The following PPFIA2 variants were observed in gnomAD, a reference collection of about 807,000 sequenced individuals.
PPFIA2 encodes PPFI scaffold protein A2.
Under a neutral mutation model 175.5 loss-of-function variants are expected in PPFIA2, and 46 were observed. The observed-to-expected ratio is 0.26, with a 90% CI of 0.21 to 0.34. PPFIA2 has a LOEUF of 0.34. PPFIA2 is among the 10% of genes least tolerant of loss of function. The pLI is 1.00. For missense variants in PPFIA2, 1,179 were observed against 1,506.1 expected (o/e 0.78, Z 3.60); for synonymous variants, 568 against 511.4 (o/e 1.11, Z -1.49).
chr12:81,603,956 A>C (rs1343990353), intron 4 of PPFIA2, among the ~76,000 whole-genome samples: 1 of 151,606 alleles, frequency 6.6e-6, no homozygotes, highest in African/African-American at 2.4e-5. Context: ...CAAATGCCTT[A>C]AATTTGCCTG....
chr12:81,309,560 CTAT>C (rs915833902), intron 22 of PPFIA2, among the ~76,000 whole-genome samples: 4 of 151,950 alleles, frequency 2.6e-5, no homozygotes, highest in Non-Finnish European at 5.9e-5. Flanking sequence ...CCTGTGTATC[CTAT>C]TATTGCATAT....
At chr12:81,597,962 T>G (rs2059420936) in intron 4 of PPFIA2, 1 of 1,534,950 alleles carries the variant, frequency 6.5e-7, no homozygotes, top group Non-Finnish European at 8.7e-7. Context: ...TTGAAAAGTG[T>G]AAAACCGGGT....
At chr12:81,524,580 C>G (rs184262476) in intron 4 of PPFIA2, among the ~76,000 whole-genome samples, 10 of 152,288 alleles carry the variant, frequency 6.6e-5, no homozygotes, top group African/African-American at 2.4e-4. Flanking sequence ...TGGTTCACAA[C>G]TGGACAAAAA....
chr12:81,740,631 TTC>T (rs1411293636), intron 3 of PPFIA2, among the ~76,000 whole-genome samples: 3 of 152,186 alleles, frequency 2.0e-5, no homozygotes, highest in Non-Finnish European at 4.4e-5. Flanking sequence ...ATTTCAGTGT[TTC>T]TGTTACTGCA....
At chr12:81,504,744 C>A (rs895015805) in intron 4 of PPFIA2, among the ~76,000 whole-genome samples, 4 of 152,120 alleles carry the variant, frequency 2.6e-5, no homozygotes, top group African/African-American at 9.7e-5. Context: ...GGAACCAACC[C>A]AAATGCCCAT....
intron 18 of PPFIA2, among the ~76,000 whole-genome samples, chr12:81,346,371 C>T (rs937514102): frequency 6.6e-6 from 1 of 151,746 alleles, no homozygotes; most frequent in African/African-American, 2.4e-5. Context: ...TGAGATAATG[C>T]CCTACTACCT....
rs150964925 is a variant in PPFIA2 at position 81,403,966 on chromosome 12, T to C, written c.762+1821A>G. ...GCTGTACTTTATCTCCTCTTGTTCC[T>C]GCTCTAAAACTTTCCTGCCCTGAAA... is the stretch of plus-strand genomic sequence containing the variant. On this transcript the variant is annotated intron_variant, in intron 8 of 32. Transcript: ENST00000549396. 2.4e-3 allele frequency among the ~76,000 whole-genome samples: 365 copies of C among 152,310 alleles called. 1 individual carries two copies. Among genetic ancestry groups the C allele is most frequent in the African/African-American group, 8.5e-3 (355 of 41,574 alleles).
intron 4 of PPFIA2, among the ~76,000 whole-genome samples, chr12:81,579,465 A>G (rs879692950): frequency 6.6e-6 from 1 of 151,850 alleles, no homozygotes; most frequent in African/African-American, 2.4e-5. Flanking sequence ...ACATGGCAAT[A>G]TATTAAGTCT....
intron 4 of PPFIA2, among the ~76,000 whole-genome samples, chr12:81,592,531 G>T (rs185972247): frequency 2.6e-5 from 4 of 152,062 alleles, no homozygotes; most frequent in African/African-American, 4.8e-5. Context: ...GAATTATGGT[G>T]GTGGGTCTTT....
At chr12:81,650,548 A>C (rs1171011851) in intron 4 of PPFIA2, among the ~76,000 whole-genome samples, 1 of 152,170 alleles carries the variant, frequency 6.6e-6, no homozygotes, top group Non-Finnish European at 1.5e-5. Flanking sequence ...AGAGAAAGAG[A>C]ATGTTCTGGA....
chr12:81,389,764 A>G (rs2039757898), intron 8 of PPFIA2, among the ~76,000 whole-genome samples: 1 of 152,142 alleles, frequency 6.6e-6, no homozygotes, highest in Non-Finnish European at 1.5e-5. Context: ...TGGCTGTATT[A>G]AAAGTCAGTA....
intron 3 of PPFIA2, among the ~76,000 whole-genome samples, chr12:81,692,859 GT>G (rs2075416324): frequency 6.6e-6 from 1 of 152,148 alleles, no homozygotes; most frequent in African/African-American, 2.4e-5. Flanking sequence ...TCTAGGTGGA[GT>G]TTTGATACCC....
In PPFIA2 at chr12:81,277,395, T is replaced by C. The variant is rs774583403; in HGVS notation, c.3232A>G (p.Ile1078Val). The C allele has an allele frequency of 2.6e-6, 4 of 1,533,514 alleles. No homozygotes were observed. The highest frequency in any genetic ancestry group is 2.5e-5 in the South Asian group (2 of 78,750). 95.0% of individuals were successfully genotyped at this position (1,533,514 alleles called of 1,614,324 possible). The change falls in exon 28 of 33, where the codon ATT becomes GTT. Residue 1078 changes from isoleucine (I) to valine (V), a missense_variant. By Grantham distance (29) the Ile-to-Val change is conservative. This residue lies in a region of PPFIA2 where 245 missense variants were observed against 375.1 expected (regional missense o/e 0.65). Coordinates refer to ENST00000549396, the MANE Select transcript of PPFIA2 (RefSeq NM_003625.5). ...SFHRTSLQYG[I>V]MCLKRLNYDR... is the part of the protein sequence containing the mutation. ...TAATTCAACCTCTTTAAGCACATAA[T>C]TCCATATTGTAAACTTGTTCTTTTT...
intron 24 of PPFIA2, among the ~76,000 whole-genome samples, chr12:81,288,329 A>G (rs1484187011): frequency 6.6e-6 from 1 of 151,826 alleles, no homozygotes; most frequent in African/African-American, 2.4e-5. Flanking sequence ...CAGGGTTGAT[A>G]TCTGACAATG....
At chr12:81,345,607 T>C (rs2058933248) in intron 18 of PPFIA2, among the ~76,000 whole-genome samples, 1 of 152,134 alleles carries the variant, frequency 6.6e-6, no homozygotes, top group South Asian at 2.1e-4. Context: ...CTTAAAAGTG[T>C]AAAACTGTGT....
chr12:81,321,237 CAT>C (rs1483890892), intron 22 of PPFIA2, among the ~76,000 whole-genome samples: 1 of 152,072 alleles, frequency 6.6e-6, no homozygotes, highest in Non-Finnish European at 1.5e-5. Context: ...AGGTGTGACA[CAT>C]ATTTTCAGGT....
chr12:81,431,531 A>T (rs1566799380), intron 7 of PPFIA2: 1 of 152,188 alleles, frequency 6.6e-6, no homozygotes, highest in Admixed American at 6.5e-5. Flanking sequence ...TTCATTATGT[A>T]TATATTTATT....
Position 81,358,118 on chromosome 12 carries a change from C to T in PPFIA2, c.1737G>A (p.Arg579=), listed in dbSNP as rs937795085. Reference sequence around the variant, plus strand: ...CTCTTCGCACACCCATGCGGCCTCTCCTTGGTCTTCTTATTACTTTAGTTG... The same window carrying T: ...CTCTTCGCACACCCATGCGGCCTCTTCTTGGTCTTCTTATTACTTTAGTTG... ...YRTTKVIRRP[R]RGRMGVRRDE... is the part of the protein sequence containing the mutation. Residue 579 remains arginine (R), a synonymous_variant, in exon 16 of 33, where the codon AGG becomes AGA. Transcript: ENST00000549396. The T allele has an allele frequency of 1.2e-6, 2 of 1,604,702 alleles. No homozygotes were observed. The highest frequency in any genetic ancestry group is 8.5e-7 in the Non-Finnish European group (1 of 1,175,376).
At chr12:81,351,998 AT>A (rs2060096218) in intron 17 of PPFIA2, among the ~76,000 whole-genome samples, 1 of 152,140 alleles carries the variant, frequency 6.6e-6, no homozygotes, top group Non-Finnish European at 1.5e-5. Context: ...GGTTTATCCC[AT>A]TTAAAGGCAT....
Sources: gnomAD v4.1 joint callset for allele counts (sites outside exome capture counted in the v4.1 genomes callset) on GRCh38, gnomAD v4.1.1 for gene constraint, gnomAD v4.1.1 regional missense constraint, MANE v1.5 for transcripts, NCBI Gene and HGNC (gene_info 2026-07-23, HGNC 2026-07-21) for gene names.